The following TTLL12 variants were observed in gnomAD, a reference collection of about 807,000 sequenced individuals.
TTLL12 encodes the protein tubulin--tyrosine ligase-like protein 12.
In TTLL12, 77 loss-of-function variants were observed where a neutral mutation model predicts 79.6. The observed-to-expected ratio is 0.97, with a 90% CI of 0.81 to 1.17. TTLL12 has a LOEUF of 1.17. TTLL12 is among the 50% of genes most tolerant of loss of function. The pLI is 0.00. For missense variants in TTLL12, 969 were observed against 895.9 expected, an observed-to-expected ratio of 1.08 and a Z score of -1.04; for synonymous variants, 437 against 376.1, an observed-to-expected ratio of 1.16 and a Z score of -1.87.
intron 5 of TTLL12, among the ~76,000 whole-genome samples, chr22:43,178,644 G>T (rs956378246): frequency 6.6e-6 from 1 of 152,090 alleles, no homozygotes; most frequent in African/African-American, 2.4e-5. Context: ...TCTCACATGG[G>T]TCAACTCGTC....
At chr22:43,184,678 G>C (rs1463166696) in intron 1 of TTLL12, among the ~76,000 whole-genome samples, 2 of 152,210 alleles carry the variant, frequency 1.3e-5, no homozygotes, top group Non-Finnish European at 2.9e-5. Flanking sequence ...GTTTAGGGCT[G>C]GGGGGAGGCT....
rs753143318 is a variant in TTLL12 at position 43,179,685 on chromosome 22, G to A, written c.774C>T (p.Pro258=). 3.8e-6 allele frequency: 6 copies of A among 1,574,878 alleles called. No homozygotes were observed. In the African/African-American group the frequency reaches 6.8e-5, roughly 18 times the overall value. The change falls in exon 5 of 14, where the codon CCC becomes CCT. Residue 258 remains proline, a synonymous_variant. Transcript: ENST00000216129. ...DPLIRKCMLL[P]WAPTDMLDLS... ...GGTCCAGCATGTCGGTGGGGGCCCAGGGCAGCAGCATGCACTTCCGGATCA... is the reference window on the plus strand; with the variant it reads ...GGTCCAGCATGTCGGTGGGGGCCCAAGGCAGCAGCATGCACTTCCGGATCA...
Position 43,172,288 on chromosome 22 carries a change from T to C in TTLL12, c.1493+115A>G. Reference sequence around the variant, plus strand: ...CAAGGGCCGCTAGCTGGGTGAGTGATGGAGGGTGCCTTCCAACAACATTTT... The same window carrying C: ...CAAGGGCCGCTAGCTGGGTGAGTGACGGAGGGTGCCTTCCAACAACATTTT... On this transcript the variant is annotated intron_variant, in intron 10 of 13. Transcript: ENST00000216129. 5 of 1,321,162 alleles carry C rather than the reference T, an allele frequency of 3.8e-6. No individual in the cohort carries two copies. The South Asian group carries it at 5.4e-5, about 14-fold the overall frequency. The allele number at this position is 1,321,162 out of a possible 1,614,324, so 81.8% of individuals were successfully genotyped here. A position where few individuals can be genotyped will look rare whatever the true frequency, so the allele number is the denominator to read the frequency against.
At chr22:43,181,999 G>GAAGGCCCGGAAGCAGA (rs59310023) in intron 2 of TTLL12, among the ~76,000 whole-genome samples, 38 of 144,180 alleles carry the variant, frequency 2.6e-4, no homozygotes, top group South Asian at 6.4e-4. Flanking sequence ...TCAGGGGGAT[G>GAAGGCCCGGAAGCAGA]AAGGCCCGGA....
At chr22:43,170,532 GAACCTCAA>G (rs1320771274) in intron 11 of TTLL12, among the ~76,000 whole-genome samples, 2 of 152,140 alleles carry the variant, frequency 1.3e-5, no homozygotes, top group African/African-American at 4.8e-5. Flanking sequence ...CAACAAGCCC[GAACCTCAA>G]AACCTCAAAA....
At position 43,168,082 on chromosome 22, in the gene TTLL12, T is replaced by C. The variant is rs745624185; in HGVS notation, c.1861A>G (p.Thr621Ala). 69 of 1,613,900 alleles carry C rather than the reference T, an allele frequency of 4.3e-5. No individual in the cohort carries two copies. Among genetic ancestry groups the C allele is most frequent in the Non-Finnish European group, 5.2e-5 (61 of 1,179,970 alleles). ...DCERACRYHPTFFNDVFSTLF... is the reference protein window; with the variant it reads ...DCERACRYHPAFFNDVFSTLF... The stretch of plus-strand genomic sequence containing the variant: ...GTGCTGAAGACGTCGTTGAAGAAGG[T>C]GGGGTGGTACCTGCAGGCTCGCTCA... Residue 621 changes from threonine (T) to alanine (A), a missense_variant, in exon 14 of 14, where the codon ACC becomes GCC. Physicochemically the swap from Thr to Ala is moderately conservative, Grantham distance 58 (BLOSUM62 0). Transcript: ENST00000216129.
Position 43,171,865 on chromosome 22 carries a change from T to G in TTLL12, c.1529A>C (p.Lys510Thr). The G allele has an allele frequency of 6.2e-7, 1 of 1,614,154 alleles. No homozygotes were observed. The highest frequency in any genetic ancestry group is 1.7e-5 in the Admixed American group (1 of 60,028). The change falls in exon 11 of 14, where the codon AAG becomes ACG. Residue 510 changes from lysine to threonine, a missense_variant. Lys to Thr is a moderately conservative substitution (Grantham distance 78, BLOSUM62 -1). Coordinates refer to ENST00000216129, the MANE Select transcript of TTLL12 (RefSeq NM_015140.4). ...FALNDLDDYE[K>T]HFTVMNYDPD... Reference sequence around the variant, plus strand: ...GTCATAGTTCATGACCGTGAAGTGCTTCTCGTAGTCATCCAGGTCGTTGAG... The same window carrying G: ...GTCATAGTTCATGACCGTGAAGTGCGTCTCGTAGTCATCCAGGTCGTTGAG...
rs1569487215 is a variant in TTLL12 at position 43,182,929 on chromosome 22, C to CCA, written c.347+49_347+50dup. On this transcript the variant is annotated intron_variant, in intron 2 of 13. Transcript: ENST00000216129. ...AGGAGAATCTGCATTACTGCATCTC[C>CCA]CACCTTTCACCAAGTGAAGGTTGTG... 3 of 1,589,802 alleles carry CCA rather than the reference C, an allele frequency of 1.9e-6. No individual in the cohort carries two copies. The East Asian group carries it at 6.7e-5, about 36-fold the overall frequency.
In TTLL12 at chr22:43,166,910, G is replaced by A. The variant is rs1319207574; in HGVS notation, c.*1098C>T. 1 of 288,272 alleles carries A rather than the reference G, an allele frequency of 3.5e-6. No homozygotes were observed. Among genetic ancestry groups the A allele is most frequent in the Non-Finnish European group, 6.8e-6 (1 of 147,680 alleles). 17.9% of individuals were successfully genotyped at this position (288,272 alleles called of 1,614,324 possible). A position where few individuals can be genotyped will look rare whatever the true frequency, so the allele number is the denominator to read the frequency against. ...GCCCTGCCCTCCCATGCACTGGAAG[G>A]CTCTGGAAGTAGCTCTCGCCTGCCT... On this transcript the variant is annotated 3_prime_UTR_variant, in exon 14 of 14. Coordinates refer to ENST00000216129, the MANE Select transcript of TTLL12 (RefSeq NM_015140.4).
At chr22:43,180,109 G>A in intron 3 of TTLL12, 109 bp from the exon 4 acceptor site, 1 of 1,353,022 alleles carries the variant, frequency 7.4e-7, no homozygotes, top group Non-Finnish European at 1.0e-6. Flanking sequence ...TCTGATCTTG[G>A]AGGCCCTCTC....
In TTLL12 at chr22:43,173,820, C is replaced by T; in HGVS notation, c.1236G>A (p.Glu412=). The change falls in exon 9 of 14, where the codon GAG becomes GAA. Residue 412 remains glutamate (E), a synonymous_variant. Coordinates refer to ENST00000216129, the MANE Select transcript of TTLL12 (RefSeq NM_015140.4). ...SYFQQRERWG[E]DNHWICKPWN... Reference sequence around the variant, plus strand: ...AGGGCTTGCAGATCCAGTGGTTGTCCTCGCCCCTGGGGAGCAGAAGGGCTG... The same window carrying T: ...AGGGCTTGCAGATCCAGTGGTTGTCTTCGCCCCTGGGGAGCAGAAGGGCTG... 3 of 1,603,086 alleles carry T rather than the reference C, an allele frequency of 1.9e-6. No homozygotes were observed. Among genetic ancestry groups the T allele is most frequent in the Non-Finnish European group, 1.7e-6 (2 of 1,179,680 alleles).
intron 5 of TTLL12, among the ~76,000 whole-genome samples, chr22:43,179,098 T>C (rs1931986345): frequency 6.6e-6 from 1 of 152,102 alleles, no homozygotes; most frequent in Admixed American, 6.5e-5. Flanking sequence ...CCCGCCAGCC[T>C]CCTTGTATGG....
At chr22:43,176,988 G>A (rs2147072017) in intron 5 of TTLL12, among the ~76,000 whole-genome samples, 1 of 152,304 alleles carries the variant, frequency 6.6e-6, no homozygotes, top group Middle Eastern at 3.4e-3. Context: ...CAGGGGGCGA[G>A]AAGGTGCCAA....
chr22:43,172,940 C>T (rs1231876066), intron 9 of TTLL12, among the ~76,000 whole-genome samples: 1 of 152,306 alleles, frequency 6.6e-6, no homozygotes, highest in East Asian at 1.9e-4. Flanking sequence ...TCAGGTGATC[C>T]GCCCACCTTG....
Position 43,169,505 on chromosome 22 carries a change from C to A in TTLL12, c.1639G>T (p.Val547Phe). Residue 547 changes from valine (V) to phenylalanine (F), a missense_variant, in exon 12 of 14, where the codon GTC becomes TTC. Transcript: ENST00000216129. ...GTGTGCAGGACAGGAATTACCTGGA[C>A]GTCCGTCCAGGGAAATTCTGGGTAT... is the stretch of plus-strand genomic sequence containing the variant. ...KQYPEFPWTD[V>F]QAEIFRAFTE... The A allele has an allele frequency of 6.3e-7, 1 of 1,597,386 alleles. No homozygotes were observed. Among genetic ancestry groups the A allele is most frequent in the Non-Finnish European group, 8.5e-7 (1 of 1,170,330 alleles).
At chr22:43,170,614 A>G (rs1246088379) in intron 11 of TTLL12, among the ~76,000 whole-genome samples, 3 of 152,236 alleles carry the variant, frequency 2.0e-5, no homozygotes, top group Non-Finnish European at 1.5e-5. Flanking sequence ...TATTTACATA[A>G]AAACCTAAGT....
At chr22:43,180,102 G>C in intron 3 of TTLL12, 102 bp from the exon 4 acceptor site, 1 of 1,366,982 alleles carries the variant, frequency 7.3e-7, no homozygotes, top group Non-Finnish European at 9.9e-7. Flanking sequence ...CCATTTCTCT[G>C]ATCTTGGAGG....
intron 11 of TTLL12, 90 bp downstream of exon 11, chr22:43,171,729 C>T: frequency 9.0e-7 from 1 of 1,108,832 alleles, no homozygotes; most frequent in Non-Finnish European, 1.3e-6. Flanking sequence ...GCCTGTGTGC[C>T]AGTCCTCCTA....
rs1432775782 is a variant in TTLL12, at chr22:43,167,200, G to A, written c.*808C>T. 1 of 532,060 alleles carries A rather than the reference G, an allele frequency of 1.9e-6. No individual in the cohort carries two copies. The highest frequency in any genetic ancestry group is 1.4e-5 in the South Asian group (1 of 71,274). The allele number at this position is 532,060 out of a possible 1,614,324, so 33.0% of individuals were successfully genotyped here. On this transcript the variant is annotated 3_prime_UTR_variant, in exon 14 of 14. Coordinates refer to ENST00000216129, the MANE Select transcript of TTLL12 (RefSeq NM_015140.4). Reference sequence around the variant, plus strand: ...CCGCCCACAATCAGCCCCAGCCCCAGGCGCCCCTTGCCGAAGGATCCTGGC... The same window carrying A: ...CCGCCCACAATCAGCCCCAGCCCCAAGCGCCCCTTGCCGAAGGATCCTGGC...
Sources: gnomAD v4.1 joint callset for allele counts (sites outside exome capture counted in the v4.1 genomes callset) on GRCh38, gnomAD v4.1.1 for gene constraint, MANE v1.5 for transcripts, NCBI Gene and HGNC (gene_info 2026-07-23, HGNC 2026-07-21) for gene names.